Variants in NAV2 observed in about 807,000 individuals in gnomAD.
The protein encoded by NAV2 is helicase, APC down-regulated 1.
Under a neutral mutation model 223.2 loss-of-function variants are expected in NAV2, and 54 were observed. The observed-to-expected ratio is 0.24, with a 90% CI of 0.19 to 0.30. NAV2 has a LOEUF of 0.30. Ranked by LOEUF, NAV2 falls within the 10% of genes least tolerant of loss-of-function variation. The probability of loss-of-function intolerance (pLI) is 1.00; values close to 1 mark genes in which losing one functional copy is unlikely to be tolerated. For missense variants in NAV2, 2,806 were observed against 3,147.5 expected, an observed-to-expected ratio of 0.89 and a Z score of 2.60; for synonymous variants, 1,279 against 1,239.3, an observed-to-expected ratio of 1.03 and a Z score of -0.67.
intron 1 of NAV2, among the ~76,000 whole-genome samples, chr11:19,463,781 A>C (rs1852247912): frequency 6.6e-6 from 1 of 151,970 alleles, no homozygotes; most frequent in South Asian, 2.1e-4. Flanking sequence ...AAGAGGGAAC[A>C]GGGAGCACTT....
At chr11:19,862,468 G>A (rs1236935089) in intron 3 of NAV2, among the ~76,000 whole-genome samples, 1 of 152,196 alleles carries the variant, frequency 6.6e-6, no homozygotes, top group Non-Finnish European at 1.5e-5. Context: ...GCCAAAGCTG[G>A]GACAGAGTCA....
chr11:19,915,738 C>T (rs1208242914), intron 6 of NAV2, among the ~76,000 whole-genome samples: 1 of 152,236 alleles, frequency 6.6e-6, no homozygotes, highest in Non-Finnish European at 1.5e-5. Flanking sequence ...TCCCCAGGTT[C>T]CGTGGTTATC....
At chr11:19,361,820 C>T (rs1270304442) in intron 1 of NAV2, among the ~76,000 whole-genome samples, 2 of 152,080 alleles carry the variant, frequency 1.3e-5, no homozygotes, top group African/African-American at 4.8e-5. Context: ...TGCTTGTGTC[C>T]CTGGAGTATC....
At chr11:19,952,735 T>C (rs2047498492) in intron 10 of NAV2, among the ~76,000 whole-genome samples, 1 of 151,866 alleles carries the variant, frequency 6.6e-6, no homozygotes, top group Admixed American at 6.5e-5. Context: ...GTTCATTTTC[T>C]GTACTGGTGT....
At chr11:19,566,138 A>T (rs2045263354) in intron 1 of NAV2, among the ~76,000 whole-genome samples, 1 of 151,832 alleles carries the variant, frequency 6.6e-6, no homozygotes, top group African/African-American at 2.4e-5. Flanking sequence ...GCACCATCAC[A>T]GCTCACTGCA....
intron 1 of NAV2, among the ~76,000 whole-genome samples, chr11:19,493,463 A>G (rs1055126404): frequency 6.6e-6 from 1 of 152,184 alleles, no homozygotes; most frequent in African/African-American, 2.4e-5. Flanking sequence ...TGTAATGTCT[A>G]TGGTATGTCC....
At chr11:19,666,081 T>G (rs2048402257) in intron 1 of NAV2, among the ~76,000 whole-genome samples, 1 of 152,158 alleles carries the variant, frequency 6.6e-6, no homozygotes, top group South Asian at 2.1e-4. Flanking sequence ...CTTCTACAAG[T>G]AAAATAAAAC....
intron 1 of NAV2, among the ~76,000 whole-genome samples, chr11:19,449,449 C>A (rs570669866): frequency 7.9e-5 from 12 of 152,028 alleles, no homozygotes; most frequent in African/African-American, 2.9e-4. Flanking sequence ...GGCCCACAGG[C>A]AGAATGCATT....
chr11:19,438,977 C>T (rs1006995744), intron 1 of NAV2, among the ~76,000 whole-genome samples: 1 of 152,144 alleles, frequency 6.6e-6, no homozygotes. Context: ...TCGCCAGCCC[C>T]TCCCTCCTCC....
chr11:20,055,629 C>A (rs2058319386), intron 18 of NAV2, 140 bp from the exon 19 acceptor site: 1 of 737,516 alleles, frequency 1.4e-6, no homozygotes, highest in Non-Finnish European at 2.2e-6. Flanking sequence ...GCTGATGGGA[C>A]TACCTTTTAG....
chr11:20,025,880 A>T (rs1216748986), intron 11 of NAV2, among the ~76,000 whole-genome samples: 5 of 152,330 alleles, frequency 3.3e-5, no homozygotes, highest in South Asian at 2.1e-4. Context: ...TCCTTCCTGC[A>T]GTCCTTGCAG....
chr11:19,657,777 C>T (rs74712173), intron 1 of NAV2, among the ~76,000 whole-genome samples: 274 of 152,252 alleles, frequency 1.8e-3, no homozygotes, highest in African/African-American at 6.3e-3. Context: ...TGAAGAAGAG[C>T]TCAGTCTTGA....
chr11:19,978,683 C>G (rs1158197291), intron 10 of NAV2: 1 of 123,338 alleles, frequency 8.1e-6, no homozygotes, highest in Non-Finnish European at 1.6e-5. Flanking sequence ...ATGTCATGCT[C>G]TATTAGAAAT....
At chr11:19,553,718 G>A (rs1037755584) in intron 1 of NAV2, among the ~76,000 whole-genome samples, 6 of 152,244 alleles carry the variant, frequency 3.9e-5, no homozygotes, top group African/African-American at 1.4e-4. Flanking sequence ...GCATTGCCGA[G>A]ATTGAATCCA....
chr11:20,057,862 C>G (rs1266956466), intron 19 of NAV2, among the ~76,000 whole-genome samples: 1 of 152,156 alleles, frequency 6.6e-6, no homozygotes, highest in African/African-American at 2.4e-5. Context: ...TCTGGGATGT[C>G]AAAATGACAT....
intron 1 of NAV2, among the ~76,000 whole-genome samples, chr11:19,424,877 C>G (rs1850764545): frequency 6.6e-6 from 1 of 152,070 alleles, no homozygotes; most frequent in African/African-American, 2.4e-5. Context: ...ATAAGAAGAT[C>G]TAAGCAAGAA....
intron 1 of NAV2, among the ~76,000 whole-genome samples, chr11:19,379,927 G>A (rs1205224417): frequency 6.6e-6 from 1 of 151,986 alleles, no homozygotes; most frequent in Non-Finnish European, 1.5e-5. Context: ...TCCAAAAACA[G>A]ATTTAATTAA....
At chr11:19,957,841 C>T (rs773918188) in intron 10 of NAV2, among the ~76,000 whole-genome samples, 15 of 152,136 alleles carry the variant, frequency 9.9e-5, no homozygotes, top group African/African-American at 3.1e-4. Flanking sequence ...TTGACGTGGG[C>T]AGCCCAGACT....
intron 12 of NAV2, among the ~76,000 whole-genome samples, chr11:20,039,842 A>C (rs1180816328): frequency 6.6e-6 from 1 of 152,224 alleles, no homozygotes; most frequent in East Asian, 1.9e-4. Context: ...CAGGGAAATA[A>C]AATTCTGAAT....
Sources: gnomAD v4.1 joint callset for allele counts (sites outside exome capture counted in the v4.1 genomes callset) on GRCh38, gnomAD v4.1.1 for gene constraint, MANE v1.5 for transcripts, NCBI Gene and HGNC (gene_info 2026-07-23, HGNC 2026-07-21) for gene names.